ADGRG2: variants seen among roughly 807,000 people sequenced by gnomAD.
ADGRG2 encodes the protein adhesion G protein-coupled receptor G2, also known as G protein-coupled receptor 64.
Under a neutral mutation model 74.1 loss-of-function variants are expected in ADGRG2, and 26 were observed. That is an observed-to-expected ratio of 0.35 (90% CI 0.26 to 0.49). The LOEUF is 0.49. ADGRG2 is among the 20% of genes least tolerant of loss of function. The pLI, the probability that ADGRG2 is intolerant of heterozygous loss-of-function variation, is 0.99. For missense variants in ADGRG2, 619 were observed against 763.1 expected, an observed-to-expected ratio of 0.81 and a Z score of 2.22; for synonymous variants, 296 against 295.2, an observed-to-expected ratio of 1.00 and a Z score of -0.03.
intron 1 of ADGRG2, among the ~76,000 whole-genome samples, chrX:19,104,602 C>T (rs1398332252): frequency 1.8e-5 from 2 of 111,257 alleles, no homozygotes; most frequent in Admixed American, 9.6e-5. Flanking sequence ...CCAGTTTTGC[C>T]TTAGTTGGGT....
intron 13 of ADGRG2, among the ~76,000 whole-genome samples, chrX:19,021,783 G>T (rs1157103472): frequency 1.8e-5 from 2 of 110,415 alleles, no homozygotes; most frequent in African/African-American, 6.6e-5. Flanking sequence ...GAGTAGCTGG[G>T]ATTACAGCCG....
chrX:19,028,635 T>A (rs955756409), intron 9 of ADGRG2, among the ~76,000 whole-genome samples: 2 of 109,893 alleles, frequency 1.8e-5, no homozygotes, highest in Admixed American at 9.8e-5. Context: ...TAAAATACTC[T>A]AACGACAACT....
chrX:19,028,193 G>A lies in ADGRG2; in HGVS notation c.404C>T (p.Thr135Ile). 9.3e-7 allele frequency: 1 copy of A among 1,075,137 alleles called. No individual in the cohort carries two copies. Among genetic ancestry groups the A allele is most frequent in the Admixed American group, 2.4e-5 (1 of 42,431 alleles). 88.6% of individuals were successfully genotyped at this position (1,075,137 alleles called of 1,213,427 possible). The change falls in exon 10 of 29, where the codon ACT becomes ATT. Residue 135 changes from threonine (T) to isoleucine (I), a missense_variant. Transcript: ENST00000379869. ...EIMFQYDKESTVPQNQHITNG... is the reference protein window; with the variant it reads ...EIMFQYDKESIVPQNQHITNG... ...ATCTTTAAAACTTACCTGGGGAACA[G>A]TGCTTTCTTTATCATATTGAAACAT...
intron 11 of ADGRG2, among the ~76,000 whole-genome samples, chrX:19,025,027 G>A (rs755708992): frequency 1.4e-3 from 153 of 111,589 alleles, no homozygotes; most frequent in African/African-American, 4.7e-3. Context: ...CACCTGCCTC[G>A]GCCTCCCACA....
At chrX:19,104,916 C>CAAAAAAAAA (rs1001242331) in intron 1 of ADGRG2, among the ~76,000 whole-genome samples, 1 of 23,355 alleles carries the variant, frequency 4.3e-5, no homozygotes, top group Non-Finnish European at 8.3e-5. Flanking sequence ...GACTCTGTCT[C>CAAAAAAAAA]AAAAAAAAAA....
At chrX:19,029,784 A>G (rs929166555) in intron 9 of ADGRG2, among the ~76,000 whole-genome samples, 2 of 110,835 alleles carry the variant, frequency 1.8e-5, no homozygotes, top group African/African-American at 6.6e-5. Flanking sequence ...CCAGCCCAAA[A>G]CATAAGTGAA....
chrX:18,995,331 T>C (rs2059998502), intron 27 of ADGRG2, among the ~76,000 whole-genome samples: 1 of 112,144 alleles, frequency 8.9e-6, no homozygotes. Context: ...TAGGTAGTGA[T>C]TCAGAGCCTC....
In ADGRG2 at chrX:19,019,622, T is replaced by C; in HGVS notation, c.687A>G (p.Pro229=). Reference sequence around the variant, plus strand: ...ACCACTGAAGCTTTTCCAACTCTTCTGGGGAGGAAGGGCAGGGTATCCTGA... The same window carrying C: ...ACCACTGAAGCTTTTCCAACTCTTCCGGGGAGGAAGGGCAGGGTATCCTGA... ...CSVRIPCPSS[P]EELEKLQCDL... is the part of the protein sequence containing the mutation. Residue 229 remains proline (P), a synonymous_variant, in exon 15 of 29, where the codon CCA becomes CCG. Transcript: ENST00000379869. 1 of 1,155,576 alleles carries C rather than the reference T, an allele frequency of 8.7e-7. No individual in the cohort carries two copies. The highest frequency in any genetic ancestry group is 3.0e-5 in the East Asian group (1 of 33,498).
At chrX:19,094,103 G>C (rs143266334) in intron 1 of ADGRG2, among the ~76,000 whole-genome samples, 2 of 111,761 alleles carry the variant, frequency 1.8e-5, no homozygotes, top group African/African-American at 3.2e-5. Flanking sequence ...ATAGAGTATG[G>C]ATAGATCAAC....
At chrX:19,045,812 A>G (rs1471107066) in intron 3 of ADGRG2, among the ~76,000 whole-genome samples, 1 of 111,063 alleles carries the variant, frequency 9.0e-6, no homozygotes, top group Non-Finnish European at 1.9e-5. Context: ...CCAATTGTAC[A>G]CCCACAGTCT....
At position 19,033,604 on chromosome X, in the gene ADGRG2, A is replaced by C. The variant is rs774898268; in HGVS notation, c.304+9T>G. 2 of 778,368 alleles carry C rather than the reference A, an allele frequency of 2.6e-6. No homozygotes were observed. Among genetic ancestry groups the C allele is most frequent in the African/African-American group, 4.2e-5 (2 of 47,619 alleles). 64.1% of individuals were successfully genotyped at this position (778,368 alleles called of 1,213,427 possible). ...AAAGGAAAGTCTTGATATTGATAAT[A>C]AGTCATACCTGATGCATTGAAGGTT... On this transcript the variant is annotated intron_variant, in intron 8 of 28. Transcript: ENST00000379869.
intron 3 of ADGRG2, among the ~76,000 whole-genome samples, chrX:19,043,765 T>C (rs1380986048): frequency 9.2e-6 from 1 of 109,022 alleles, no homozygotes; most frequent in Non-Finnish European, 1.9e-5. Context: ...CCAGGCATTT[T>C]TTTTTTTTCA....
chrX:19,031,078 G>A (rs1367942724), intron 8 of ADGRG2, 41 bp from the exon 9 acceptor site: 1 of 977,392 alleles, frequency 1.0e-6, no homozygotes, highest in South Asian at 1.9e-5. Context: ...GCATGTCAAT[G>A]CCCGTGTTTA....
At chrX:19,105,927 CAAAAAAAAAAA>C (rs748026875) in intron 1 of ADGRG2, among the ~76,000 whole-genome samples, 2 of 29,993 alleles carry the variant, frequency 6.7e-5, no homozygotes, top group Non-Finnish European at 1.2e-4. Flanking sequence ...GACTCTGTCT[CAAAAAAAAAAA>C]AAAAAAAAAA....
chrX:18,994,448 G>A (rs2059979795), intron 28 of ADGRG2, among the ~76,000 whole-genome samples: 1 of 110,082 alleles, frequency 9.1e-6, no homozygotes, highest in Admixed American at 9.7e-5. Flanking sequence ...AGTGAGCTGA[G>A]ATTGCACCAT....
rs112916607 is a variant in ADGRG2, at chrX:19,081,373, C to T, written c.-2+1329G>A. Among the ~76,000 whole-genome samples the T allele has an allele frequency of 4.2e-3, 465 of 111,899 alleles. 1 individual carries two copies. The highest frequency in any genetic ancestry group is 0.014 in the African/African-American group (426 of 30,866). On this transcript the variant is annotated intron_variant, in intron 2 of 28. Transcript: ENST00000379869. ...AAGCCTCCTGGGGCATTGATCTGCA[C>T]TGCAGGGCTGGGGCAGGGATAGGGC...
rs374551684 is a variant in ADGRG2 at position 19,010,795 on chromosome X, A to C, written c.1100-17T>G. 4 of 1,158,127 alleles carry C rather than the reference A, an allele frequency of 3.5e-6. No homozygotes were observed. Among genetic ancestry groups the C allele is most frequent in the Non-Finnish European group, 4.7e-6 (4 of 856,683 alleles). ...TGACGATGTCTATATCAAAGAGCCAAATCGTGTTATGAACACACAATGGAA... is the reference window on the plus strand; with the variant it reads ...TGACGATGTCTATATCAAAGAGCCACATCGTGTTATGAACACACAATGGAA... On this transcript the variant is annotated splice_polypyrimidine_tract_variant and intron_variant, in intron 16 of 28. Transcript: ENST00000379869.
chrX:19,015,736 C>T lies in ADGRG2; in HGVS notation c.711-1662G>A, dbSNP rs143711381. ...TCTGTCTCAGAAACAAACAAACAAA[C>T]GAACAAACAACCTTCACTAGGGCTC... On this transcript the variant is annotated intron_variant, in intron 15 of 28. Coordinates refer to ENST00000379869, the MANE Select transcript of ADGRG2 (RefSeq NM_001079858.3). Among the ~76,000 whole-genome samples the T allele has an allele frequency of 9.5e-3, 1,061 of 111,354 alleles. 4 individuals are homozygous for T. Among genetic ancestry groups the T allele is most frequent in the South Asian group, 0.016 (42 of 2,669 alleles).
At chrX:19,026,811 G>C (rs1162036690) in intron 11 of ADGRG2, among the ~76,000 whole-genome samples, 1 of 111,161 alleles carries the variant, frequency 9.0e-6, no homozygotes, top group Admixed American at 9.6e-5. Flanking sequence ...GCATCTGTTT[G>C]TAATGCATTT....
Sources: allele counts gnomAD v4.1 joint callset (sites outside exome capture counted in the v4.1 genomes callset), GRCh38; gene constraint gnomAD v4.1.1; transcripts MANE v1.5; gene names NCBI Gene and HGNC (gene_info 2026-07-23, HGNC 2026-07-21).